NAV3: variants seen among roughly 807,000 people sequenced by gnomAD.
NAV3 encodes the protein pore membrane and/or filament interacting like protein 1.
NAV3 carries 87 observed loss-of-function variants against 244.7 expected under a neutral mutation model. That is an observed-to-expected ratio of 0.36 (90% CI 0.30 to 0.42). The LOEUF (loss-of-function observed/expected upper bound fraction) is 0.42, where lower values mean the gene tolerates loss of function less well. Ranked by LOEUF, NAV3 falls within the 20% of genes least tolerant of loss-of-function variation. The pLI, the probability that NAV3 is intolerant of heterozygous loss-of-function variation, is 1.00. For synonymous variants in NAV3, 1,126 were observed against 1,042.2 expected (o/e 1.08, Z -1.55); for missense variants, 2,663 against 2,893.3 (o/e 0.92, Z 1.83).
At chr12:78,125,185 C>G (rs533044126) in intron 16 of NAV3, among the ~76,000 whole-genome samples, 1 of 152,152 alleles carries the variant, frequency 6.6e-6, no homozygotes, top group East Asian at 1.9e-4. Context: ...AACCAAAGAA[C>G]TACACCAGAG....
At chr12:78,057,098 A>G (rs1402553185) in intron 11 of NAV3, among the ~76,000 whole-genome samples, 1 of 152,198 alleles carries the variant, frequency 6.6e-6, no homozygotes, top group African/African-American at 2.4e-5. Flanking sequence ...TTAGTCAGAG[A>G]AAGGCCTCTT....
At chr12:77,676,087 AT>A (rs113664801) in intron 2 of NAV3, among the ~76,000 whole-genome samples, 2 of 151,108 alleles carry the variant, frequency 1.3e-5, no homozygotes, top group African/African-American at 2.4e-5. Context: ...TTTTTTTTAA[AT>A]TTTTTTTTAT....
At chr12:78,110,839 T>G (rs767577568) in intron 12 of NAV3, among the ~76,000 whole-genome samples, 1 of 152,020 alleles carries the variant, frequency 6.6e-6, no homozygotes, top group Non-Finnish European at 1.5e-5. Context: ...TATCTGCCAT[T>G]AAAAAGAATG....
In NAV3 at chr12:77,966,792, T is replaced by A. The variant is rs140109641; in HGVS notation, c.487+491T>A. Among the ~76,000 whole-genome samples the A allele has an allele frequency of 9.3e-3, 1,419 of 152,208 alleles. 7 individuals are homozygous for A. The highest frequency in any genetic ancestry group is 0.02 in the Middle Eastern group (6 of 294). On this transcript the variant is annotated intron_variant, in intron 4 of 39. Coordinates refer to ENST00000397909, the MANE Select transcript of NAV3 (RefSeq NM_001024383.2). Reference sequence around the variant, plus strand: ...AATTAGAACTAACAGCGTTAATCACTGTTATATATAAATGTTTTAAATCAT... The same window carrying A: ...AATTAGAACTAACAGCGTTAATCACAGTTATATATAAATGTTTTAAATCAT...
intron 1 of NAV3, among the ~76,000 whole-genome samples, chr12:77,866,020 A>G (rs762630917): frequency 2.6e-5 from 4 of 152,120 alleles, no homozygotes; most frequent in African/African-American, 7.2e-5. Flanking sequence ...ACAATATGAG[A>G]TGGCATTTTT....
At chr12:78,047,486 C>CAAACA (rs1484513464) in intron 9 of NAV3, among the ~76,000 whole-genome samples, 19 of 150,986 alleles carry the variant, frequency 1.3e-4, no homozygotes, top group Admixed American at 3.3e-4. Context: ...GACTCTGTCT[C>CAAACA]AAGCAAAACA....
chr12:77,835,283 C>T (rs184713384), intron 1 of NAV3, among the ~76,000 whole-genome samples: 1 of 152,188 alleles, frequency 6.6e-6, no homozygotes, highest in Non-Finnish European at 1.5e-5. Context: ...TTGTTCTAGG[C>T]AGCCATGTGC....
chr12:77,751,482 G>A (rs934291191), intron 2 of NAV3, among the ~76,000 whole-genome samples: 40 of 152,114 alleles, frequency 2.6e-4, no homozygotes, highest in African/African-American at 9.2e-4. Flanking sequence ...TCTCATGATA[G>A]TGAGTTCTCA....
At chr12:78,045,317 G>T (rs1020513333) in intron 9 of NAV3, among the ~76,000 whole-genome samples, 11 of 151,626 alleles carry the variant, frequency 7.3e-5, no homozygotes, top group Non-Finnish European at 1.5e-4. Context: ...TTTTGTTGAG[G>T]CAGAGTCTTG....
At chr12:78,174,782 C>G (rs546853327) in intron 24 of NAV3, among the ~76,000 whole-genome samples, 30 of 152,036 alleles carry the variant, frequency 2.0e-4, no homozygotes, top group Admixed American at 1.8e-3. Context: ...CTTTTCACTT[C>G]AGTTTCCTCA....
intron 6 of NAV3, among the ~76,000 whole-genome samples, chr12:77,995,992 G>A (rs956281277): frequency 1.3e-5 from 2 of 151,978 alleles, no homozygotes; most frequent in Non-Finnish European, 2.9e-5. Context: ...TGCTCTGCCT[G>A]CCTGTCAAAT....
chr12:77,901,783 C>A (rs971200826), intron 1 of NAV3, among the ~76,000 whole-genome samples: 1 of 152,138 alleles, frequency 6.6e-6, no homozygotes, highest in Non-Finnish European at 1.5e-5. Context: ...CCTGTTGATA[C>A]CAGTCTCAGC....
chr12:78,056,911 T>G (rs1038536411), intron 11 of NAV3, among the ~76,000 whole-genome samples: 19 of 152,326 alleles, frequency 1.2e-4, no homozygotes, highest in African/African-American at 4.3e-4. Context: ...CATGAAGTCA[T>G]TTAAATGGGA....
intron 2 of NAV3, among the ~76,000 whole-genome samples, chr12:77,574,816 G>A (rs1869002523): frequency 6.6e-6 from 1 of 151,934 alleles, no homozygotes; most frequent in Non-Finnish European, 1.5e-5. Context: ...AAACTCTTAG[G>A]ATCCTGTTTA....
intron 2 of NAV3, among the ~76,000 whole-genome samples, chr12:77,818,067 AGGGATAGGT>A (rs1338799025): frequency 6.6e-6 from 1 of 152,088 alleles, no homozygotes; most frequent in East Asian, 1.9e-4. Context: ...AGCTTTTTGG[AGGGATAGGT>A]GGGATAGGTG....
intron 18 of NAV3, among the ~76,000 whole-genome samples, chr12:78,129,934 C>T (rs1956089478): frequency 6.6e-6 from 1 of 152,154 alleles, no homozygotes; most frequent in Admixed American, 6.5e-5. Flanking sequence ...AGAAAACACA[C>T]AATCCAAAAC....
At chr12:77,745,936 A>G (rs1868515257) in intron 2 of NAV3, among the ~76,000 whole-genome samples, 1 of 151,682 alleles carries the variant, frequency 6.6e-6, no homozygotes, top group Admixed American at 6.6e-5. Context: ...CTCAGCTATA[A>G]AAACAGACTA....
At chr12:78,123,670 T>C (rs78554818) in intron 16 of NAV3, among the ~76,000 whole-genome samples, 144 of 152,336 alleles carry the variant, frequency 9.5e-4, no homozygotes, top group African/African-American at 3.2e-3. Context: ...AAAATATTGG[T>C]GTTTCCTATG....
rs574605210 is a variant in NAV3, at chr12:77,937,546, G to A, written c.244-2773G>A. 1.7e-4 allele frequency among the ~76,000 whole-genome samples: 26 copies of A among 152,156 alleles called. No individual in the cohort carries two copies. In the South Asian group the frequency reaches 3.3e-3, roughly 19 times the overall value. On this transcript the variant is annotated intron_variant, in intron 1 of 39. Transcript: ENST00000397909. ...AATGTTATCATAAAACAAAACCAAC[G>A]AAATACAGTTTGATGGAAGTGGTGC...
Sources: allele counts gnomAD v4.1 joint callset (sites outside exome capture counted in the v4.1 genomes callset), GRCh38; gene constraint gnomAD v4.1.1; transcripts MANE v1.5; gene names NCBI Gene and HGNC (gene_info 2026-07-23, HGNC 2026-07-21).